The following SNAP25 variants were observed in gnomAD, a reference collection of about 807,000 sequenced individuals.
The protein encoded by SNAP25 is synaptosomal-associated protein 25.
A neutral mutation model predicts 28.7 loss-of-function variants in SNAP25; 3 were observed. That is an observed-to-expected ratio of 0.10 (90% CI 0.05 to 0.27). The LOEUF (loss-of-function observed/expected upper bound fraction) is 0.27. SNAP25 is among the 10% of genes least tolerant of loss of function. SNAP25 has a pLI of 1.00. For synonymous variants in SNAP25, 61 were observed against 88.1 expected, an observed-to-expected ratio of 0.69 and a Z score of 1.72; for missense variants, 117 against 278.7, an observed-to-expected ratio of 0.42 and a Z score of 4.13.
Position 10,306,325 on chromosome 20 carries a change from C to CCTGTGT in SNAP25, c.*130_*135dup, listed in dbSNP as rs1346720123. ...AGTCCACCCCCATTGTGAATGTTGT[C>CCTGTGT]CTGTGTCATCTGTCAGCTTCCCAAC... On this transcript the variant is annotated 3_prime_UTR_variant, in exon 8 of 8. Coordinates refer to ENST00000254976, the MANE Select transcript of SNAP25 (RefSeq NM_130811.4). The CCTGTGT allele has an allele frequency of 4.0e-6, 3 of 750,130 alleles. No homozygotes were observed. The highest frequency in any genetic ancestry group is 6.7e-6 in the Non-Finnish European group (3 of 446,986). The allele number at this position is 750,130 out of a possible 1,614,324, so 46.5% of individuals were successfully genotyped here.
At chr20:10,281,312 A>G (rs1423633687) in intron 3 of SNAP25, among the ~76,000 whole-genome samples, 2 of 152,190 alleles carry the variant, frequency 1.3e-5, no homozygotes, top group African/African-American at 4.8e-5. Context: ...CCTCCCTGAA[A>G]TCATGTCTCT....
intron 1 of SNAP25, among the ~76,000 whole-genome samples, chr20:10,243,445 G>C (rs2063069692): frequency 6.6e-6 from 1 of 152,050 alleles, no homozygotes; most frequent in African/African-American, 2.4e-5. Context: ...ACCAATCTGG[G>C]GCACCACATT....
chr20:10,243,851 G>A (rs867076669), intron 1 of SNAP25, among the ~76,000 whole-genome samples: 48 of 152,114 alleles, frequency 3.2e-4, no homozygotes, highest in African/African-American at 8.9e-4. Context: ...AAAGTATGGC[G>A]TGTGTAGAGG....
Position 10,246,466 on chromosome 20 carries a change from C to T in SNAP25, c.-64+27489C>T, listed in dbSNP as rs541860717. Among the ~76,000 whole-genome samples the T allele has an allele frequency of 2.0e-5, 3 of 152,220 alleles. No individual in the cohort carries two copies. The South Asian group carries it at 6.2e-4, about 32-fold the overall frequency. On this transcript the variant is annotated intron_variant, in intron 1 of 7. Transcript: ENST00000254976. ...AAATTTTGACGTTTATCTAAAACGT[C>T]TTATGGAGAAGAAAGAAAAGAGGCA...
intron 1 of SNAP25, among the ~76,000 whole-genome samples, chr20:10,224,793 C>A (rs2062705758): frequency 6.6e-6 from 1 of 151,936 alleles, no homozygotes; most frequent in African/African-American, 2.4e-5. Flanking sequence ...CCTTCTCAAT[C>A]AGATTTGTAG....
intron 1 of SNAP25, among the ~76,000 whole-genome samples, chr20:10,224,675 C>T (rs1459748254): frequency 6.6e-6 from 1 of 152,076 alleles, no homozygotes; most frequent in East Asian, 1.9e-4. Context: ...TTTTTCCCCC[C>T]TCAGAATTGC....
chr20:10,243,228 T>C (rs1175284057), intron 1 of SNAP25, among the ~76,000 whole-genome samples: 1 of 152,198 alleles, frequency 6.6e-6, no homozygotes, highest in Non-Finnish European at 1.5e-5. Context: ...TAAATAAACT[T>C]TTTATTTTGA....
chr20:10,264,426 A>G, intron 1 of SNAP25, among the ~76,000 whole-genome samples: 1 of 152,198 alleles, frequency 6.6e-6, no homozygotes, highest in Non-Finnish European at 1.5e-5. Flanking sequence ...CTTCTCAGAG[A>G]CACTGTGGGA....
chr20:10,230,721 G>A (rs568223255), intron 1 of SNAP25, among the ~76,000 whole-genome samples: 19 of 152,294 alleles, frequency 1.2e-4, no homozygotes, highest in African/African-American at 4.6e-4. Context: ...AGGATGAGGT[G>A]TTTTCACTGT....
At chr20:10,230,246 G>A (rs1416292519) in intron 1 of SNAP25, among the ~76,000 whole-genome samples, 1 of 152,134 alleles carries the variant, frequency 6.6e-6, no homozygotes, top group Non-Finnish European at 1.5e-5. Flanking sequence ...TTTAGTTGGG[G>A]GTGGGAGGGA....
intron 1 of SNAP25, among the ~76,000 whole-genome samples, chr20:10,242,886 C>A (rs1008286151): frequency 6.6e-6 from 1 of 152,200 alleles, no homozygotes; most frequent in African/African-American, 2.4e-5. Context: ...ACATTAGAAT[C>A]TTCTACCAAA....
chr20:10,246,525 A>G (rs767410472), intron 1 of SNAP25, among the ~76,000 whole-genome samples: 13 of 152,150 alleles, frequency 8.5e-5, no homozygotes, highest in South Asian at 2.1e-4. Flanking sequence ...AATGAGTCCT[A>G]TGGCTACCCA....
chr20:10,250,934 T>C (rs1479195677), intron 1 of SNAP25, among the ~76,000 whole-genome samples: 1 of 152,212 alleles, frequency 6.6e-6, no homozygotes, highest in Non-Finnish European at 1.5e-5. Flanking sequence ...CCATATAGCC[T>C]AGGTGTATAG....
chr20:10,219,644 C>T (rs923890629), intron 1 of SNAP25: 8 of 152,180 alleles, frequency 5.3e-5, no homozygotes, highest in Admixed American at 2.6e-4. Flanking sequence ...ATAGCAACAC[C>T]GAGGGCTCGC....
intron 1 of SNAP25, among the ~76,000 whole-genome samples, chr20:10,225,935 C>CCTA (rs1420621865): frequency 1.3e-5 from 2 of 151,976 alleles, no homozygotes; most frequent in Admixed American, 6.6e-5. Context: ...AGAGTTCAGC[C>CCTA]CTACACTCCT....
intron 3 of SNAP25, among the ~76,000 whole-genome samples, chr20:10,283,356 G>A (rs2063813417): frequency 6.6e-6 from 1 of 152,162 alleles, no homozygotes; most frequent in African/African-American, 2.4e-5. Flanking sequence ...CCACAGTTAG[G>A]GAATGAAATC....
At chr20:10,300,924 G>A (rs363010) in intron 7 of SNAP25, among the ~76,000 whole-genome samples, 5,216 of 145,946 alleles carry the variant, frequency 0.036, 131 homozygotes, top group Middle Eastern at 0.086. Flanking sequence ...AACCCATTAC[G>A]GCCCAGAATA....
At chr20:10,237,299 T>G (rs974983837) in intron 1 of SNAP25, among the ~76,000 whole-genome samples, 2 of 152,172 alleles carry the variant, frequency 1.3e-5, no homozygotes, top group Non-Finnish European at 1.5e-5. Flanking sequence ...ACTCCCATCC[T>G]TCAGTGGCTA....
chr20:10,275,212 G>C (rs991052176), intron 1 of SNAP25, among the ~76,000 whole-genome samples: 2 of 152,140 alleles, frequency 1.3e-5, no homozygotes, highest in African/African-American at 4.8e-5. Context: ...TTCATCGGTA[G>C]ATAGGTGTCT....
Sources: gnomAD v4.1 joint callset for allele counts (sites outside exome capture counted in the v4.1 genomes callset) on GRCh38, gnomAD v4.1.1 for gene constraint, MANE v1.5 for transcripts, NCBI Gene and HGNC (gene_info 2026-07-23, HGNC 2026-07-21) for gene names.